Variants in GLI3 observed in about 807,000 individuals in gnomAD.
GLI3 encodes GLI family zinc finger 3, also known as transcription activator GLI3.
In GLI3, 20 loss-of-function variants were observed where a neutral mutation model predicts 100.8. That is an observed-to-expected ratio of 0.20 (90% confidence interval 0.14 to 0.29). The LOEUF is 0.29. Among genes scored for constraint, GLI3 ranks in the 10% least tolerant of loss-of-function variants. The pLI, the probability that GLI3 is intolerant of heterozygous loss-of-function variation, is 1.00. For synonymous variants in GLI3, 938 were observed against 860.5 expected, an observed-to-expected ratio of 1.09 and a Z score of -1.58; for missense variants, 2,040 against 2,128.5, an observed-to-expected ratio of 0.96 and a Z score of 0.82.
In GLI3 at chr7:41,981,884, C is replaced by T. The variant is rs77084401; in HGVS notation, c.1498-3136G>A. On this transcript the variant is annotated intron_variant, in intron 10 of 14. Transcript: ENST00000395925. ...TCCCAATCATTTCCTATTTATACCG[C>T]ACCCAGCTTCTTCTACCTTTGCCAC... Among the ~76,000 whole-genome samples, 521 of 152,304 alleles carry T rather than the reference C, an allele frequency of 3.4e-3. 4 individuals carry two copies. Among genetic ancestry groups the T allele is most frequent in the African/African-American group, 0.012 (507 of 41,568 alleles).
intron 2 of GLI3, among the ~76,000 whole-genome samples, chr7:42,191,995 G>A (rs6949792): frequency 0.05 from 7,507 of 151,154 alleles, 597 homozygotes; most frequent in African/African-American, 0.17. Context: ...AAAGACATGC[G>A]ACCCATGCAA....
intron 3 of GLI3, among the ~76,000 whole-genome samples, chr7:42,126,874 G>A (rs545566234): frequency 9.2e-5 from 14 of 152,276 alleles, no homozygotes; most frequent in Non-Finnish European, 1.9e-4. Context: ...AAAGGGCTGG[G>A]AAGCTGTGGC....
In GLI3 at chr7:42,095,532, G is replaced by A. The variant is rs11978993; in HGVS notation, c.368-18675C>T. On this transcript the variant is annotated intron_variant, in intron 3 of 14. Coordinates refer to ENST00000395925, the MANE Select transcript of GLI3 (RefSeq NM_000168.6). ...GCAGGGCAGTGGAAGGGAAATGAAT[G>A]GGATGGAGGAGGGGCTCTGGGAGAA... is the stretch of plus-strand genomic sequence containing the variant. Among the ~76,000 whole-genome samples the A allele has an allele frequency of 1.8e-3, 268 of 152,292 alleles. 2 individuals are homozygous for A. Among genetic ancestry groups the A allele is most frequent in the African/African-American group, 6.2e-3 (256 of 41,568 alleles).
intron 7 of GLI3, among the ~76,000 whole-genome samples, chr7:42,029,869 T>C (rs560286697): frequency 1.3e-5 from 2 of 152,260 alleles, no homozygotes; most frequent in Middle Eastern, 3.4e-3. Context: ...TCTCTAAAAC[T>C]CTTTCTGTCT....
chr7:42,182,330 G>T (rs1337230901), intron 2 of GLI3, among the ~76,000 whole-genome samples: 1 of 151,656 alleles, frequency 6.6e-6, no homozygotes, highest in Admixed American at 6.6e-5. Flanking sequence ...CAGCTTTAGG[G>T]GAAAAAATGG....
At chr7:42,031,164 T>C (rs932451528) in intron 7 of GLI3, among the ~76,000 whole-genome samples, 1 of 152,250 alleles carries the variant, frequency 6.6e-6, no homozygotes, top group Admixed American at 6.5e-5. Flanking sequence ...CAGAAATTAA[T>C]TTTACATTCT....
intron 3 of GLI3, among the ~76,000 whole-genome samples, chr7:42,131,786 G>A (rs746914409): frequency 6.6e-6 from 1 of 152,126 alleles, no homozygotes; most frequent in Admixed American, 6.5e-5. Context: ...ACTCTTTAAA[G>A]TTATAAAAGC....
intron 3 of GLI3, among the ~76,000 whole-genome samples, chr7:42,122,397 G>A (rs1050166728): frequency 3.3e-5 from 5 of 152,050 alleles, no homozygotes; most frequent in African/African-American, 1.2e-4. Flanking sequence ...TGTTGGAACA[G>A]GAAACTAGAC....
intron 3 of GLI3, among the ~76,000 whole-genome samples, chr7:42,108,566 C>T (rs932953029): frequency 6.6e-6 from 1 of 152,100 alleles, no homozygotes; most frequent in East Asian, 1.9e-4. Flanking sequence ...AGTAAACACC[C>T]AGCACAACTG....
intron 1 of GLI3, among the ~76,000 whole-genome samples, chr7:42,227,926 T>C (rs182056913): frequency 7.0e-4 from 106 of 152,298 alleles, no homozygotes; most frequent in African/African-American, 2.4e-3. Flanking sequence ...TGTACGGGTA[T>C]GGCCAATTTT....
At chr7:42,043,855 A>C (rs1377091494) in intron 6 of GLI3, among the ~76,000 whole-genome samples, 1 of 152,264 alleles carries the variant, frequency 6.6e-6, no homozygotes, top group Non-Finnish European at 1.5e-5. Context: ...GATTTTAAAT[A>C]ACTGATTTGC....
At chr7:42,262,226 T>TCC (rs1383162754) in intron 1 of GLI3, among the ~76,000 whole-genome samples, 1 of 71,796 alleles carries the variant, frequency 1.4e-5, no homozygotes, top group Non-Finnish European at 3.3e-5. Context: ...CCTTCCTTCT[T>TCC]TCCTTCCTTC....
At chr7:42,053,082 C>T (rs980175205) in intron 4 of GLI3, among the ~76,000 whole-genome samples, 1 of 152,114 alleles carries the variant, frequency 6.6e-6, no homozygotes, top group Non-Finnish European at 1.5e-5. Context: ...GCAACCTCCG[C>T]CCTCCAGGGT....
At chr7:42,179,126 C>T (rs993783734) in intron 2 of GLI3, among the ~76,000 whole-genome samples, 3 of 151,942 alleles carry the variant, frequency 2.0e-5, no homozygotes, top group South Asian at 2.1e-4. Context: ...ATGCCATTCT[C>T]GTGATATTAA....
At chr7:42,079,487 C>T (rs750890207) in intron 3 of GLI3, among the ~76,000 whole-genome samples, 32 of 152,212 alleles carry the variant, frequency 2.1e-4, no homozygotes, top group Non-Finnish European at 2.2e-4. Context: ...TCTTTCTCTT[C>T]CACACCTTTC....
intron 4 of GLI3, 54 bp from the exon 5 acceptor site, chr7:42,048,750 C>T (rs1167973836): frequency 8.9e-7 from 1 of 1,121,354 alleles, no homozygotes; most frequent in African/African-American, 1.5e-5. Context: ...AATATCTCCA[C>T]AGGCAGAGGC....
In GLI3 at chr7:41,966,034, G is replaced by A. The variant is rs773372855; in HGVS notation, c.3039C>T (p.Ser1013=). ...RRASDPVRTG[S]EGLALPRVPR... ...GCACACGAGGCAGGGCCAGGCCCTC[G>A]GAGCCTGTCCGCACCGGGTCGCTGG... The change falls in exon 15 of 15, where the codon TCC becomes TCT. Residue 1013 remains serine, a synonymous_variant. Coordinates refer to ENST00000395925, the MANE Select transcript of GLI3 (RefSeq NM_000168.6). The surrounding 1 kb of genome is among the most constrained non-coding windows in gnomAD (Gnocchi z 5.8). 20 of 1,592,654 alleles carry A rather than the reference G, an allele frequency of 1.3e-5. No homozygotes were observed. The highest frequency in any genetic ancestry group is 1.5e-5 in the Non-Finnish European group (18 of 1,175,848).
At chr7:42,100,798 T>C (rs1009933270) in intron 3 of GLI3, among the ~76,000 whole-genome samples, 3 of 151,980 alleles carry the variant, frequency 2.0e-5, no homozygotes, top group African/African-American at 7.3e-5. Context: ...AAGACAGCCA[T>C]GGAAGAGAGG....
At chr7:42,214,745 T>C (rs964531964) in intron 2 of GLI3, among the ~76,000 whole-genome samples, 1 of 151,842 alleles carries the variant, frequency 6.6e-6, no homozygotes, top group East Asian at 1.9e-4. Context: ...AATTTTCTCA[T>C]GTAATTAATT....
Sources: allele counts gnomAD v4.1 joint callset (sites outside exome capture counted in the v4.1 genomes callset), GRCh38; gene constraint gnomAD v4.1.1; non-coding constraint Gnocchi (gnomAD v3.1); transcripts MANE v1.5; gene names NCBI Gene and HGNC (gene_info 2026-07-23, HGNC 2026-07-21).